Variants in CTNNA3 observed in about 807,000 individuals in gnomAD.
CTNNA3 encodes the protein catenin alpha 3.
Under a neutral mutation model 95.7 loss-of-function variants are expected in CTNNA3, and 76 were observed. The observed-to-expected ratio is 0.79, with a 90% CI of 0.66 to 0.96. The LOEUF is 0.96. Ranked by LOEUF, CTNNA3 falls within the 40% of genes least tolerant of loss-of-function variation. The pLI, the probability that CTNNA3 is intolerant of heterozygous loss-of-function variation, is 0.00. For missense variants in CTNNA3, 1,191 were observed against 1,089.8 expected (o/e 1.09, Z -1.31); for synonymous variants, 431 against 374.4 (o/e 1.15, Z -1.74).
chr10:67,120,889 T>C (rs901451379), intron 7 of CTNNA3, among the ~76,000 whole-genome samples: 35 of 152,070 alleles, frequency 2.3e-4, no homozygotes, highest in Non-Finnish European at 7.4e-5. Flanking sequence ...AGTTGCAATA[T>C]TGTACCATTA....
At chr10:67,001,551 A>C (rs1851694638) in intron 7 of CTNNA3, among the ~76,000 whole-genome samples, 1 of 152,012 alleles carries the variant, frequency 6.6e-6, no homozygotes, top group African/African-American at 2.4e-5. Context: ...AAACTTTCTA[A>C]TTATTTTAAA....
intron 16 of CTNNA3, among the ~76,000 whole-genome samples, chr10:65,984,998 A>G (rs980304610): frequency 2.6e-5 from 4 of 150,974 alleles, no homozygotes; most frequent in African/African-American, 9.7e-5. Flanking sequence ...AAAAAAAAGG[A>G]TTAATAAAAT....
intron 12 of CTNNA3, among the ~76,000 whole-genome samples, chr10:66,311,838 T>C (rs962169534): frequency 6.6e-6 from 1 of 152,198 alleles, no homozygotes; most frequent in African/African-American, 2.4e-5. Context: ...TTCAGGGTCC[T>C]GATTTTTAAC....
chr10:67,090,935 C>T (rs1163231959), intron 7 of CTNNA3, among the ~76,000 whole-genome samples: 1 of 152,024 alleles, frequency 6.6e-6, no homozygotes, highest in Non-Finnish European at 1.5e-5. Flanking sequence ...TATATTTTAT[C>T]AACTGCCTTA....
chr10:67,493,015 G>A (rs1838903381), intron 5 of CTNNA3, among the ~76,000 whole-genome samples: 1 of 152,162 alleles, frequency 6.6e-6, no homozygotes, highest in African/African-American at 2.4e-5. Flanking sequence ...CATGTTCATT[G>A]AATGAACAAA....
At chr10:67,123,359 T>G (rs997905223) in intron 7 of CTNNA3, among the ~76,000 whole-genome samples, 3 of 152,150 alleles carry the variant, frequency 2.0e-5, no homozygotes, top group African/African-American at 7.2e-5. Context: ...GCCAGTTAAT[T>G]CATGCCAACT....
At chr10:67,336,437 G>C (rs1474460998) in intron 5 of CTNNA3, among the ~76,000 whole-genome samples, 1 of 152,166 alleles carries the variant, frequency 6.6e-6, no homozygotes, top group African/African-American at 2.4e-5. Flanking sequence ...ATAAGATTTA[G>C]GGAAAGAAGT....
intron 9 of CTNNA3, among the ~76,000 whole-genome samples, chr10:66,720,531 G>A (rs996000616): frequency 1.2e-4 from 19 of 152,112 alleles, no homozygotes; most frequent in Non-Finnish European, 2.4e-4. Context: ...AAGGAAGGTA[G>A]GCAAAGGAGA....
At chr10:67,302,443 A>G (rs1048473078) in intron 5 of CTNNA3, among the ~76,000 whole-genome samples, 6 of 152,240 alleles carry the variant, frequency 3.9e-5, no homozygotes, top group African/African-American at 1.2e-4. Flanking sequence ...CACAAAAATG[A>G]TAAGTATGTG....
At chr10:67,082,864 T>C (rs1014899353) in intron 7 of CTNNA3, among the ~76,000 whole-genome samples, 1 of 152,164 alleles carries the variant, frequency 6.6e-6, no homozygotes, top group Non-Finnish European at 1.5e-5. Flanking sequence ...CACAATATTA[T>C]GAGTCAAGCA....
chr10:66,160,269 A>G (rs1478433785), intron 13 of CTNNA3, among the ~76,000 whole-genome samples: 1 of 151,918 alleles, frequency 6.6e-6, no homozygotes, highest in African/African-American at 2.4e-5. Context: ...GTGTGACTTT[A>G]GAATATCAGT....
Position 66,023,708 on chromosome 10 carries a change from C to G in CTNNA3, c.2160-34911G>C, listed in dbSNP as rs186707085. Among the ~76,000 whole-genome samples the G allele has an allele frequency of 1.3e-3, 192 of 152,284 alleles. 3 individuals are homozygous for G. Among genetic ancestry groups the G allele is most frequent in the Admixed American group, 0.012 (190 of 15,306 alleles). On this transcript the variant is annotated intron_variant, in intron 15 of 17. Coordinates refer to ENST00000433211, the MANE Select transcript of CTNNA3 (RefSeq NM_013266.4). ...TGTGAAATTGCTTCTTGAAGTCTTG[C>G]TGAGTCTCACTTCCTCACCCATAAA...
At chr10:66,502,087 G>T (rs1186317459) in intron 11 of CTNNA3, among the ~76,000 whole-genome samples, 5 of 151,924 alleles carry the variant, frequency 3.3e-5, no homozygotes, top group African/African-American at 1.2e-4. Context: ...AACAAAACTG[G>T]AATGAAAAAT....
intron 3 of CTNNA3, among the ~76,000 whole-genome samples, chr10:67,561,883 A>C (rs1358345406): frequency 6.6e-6 from 1 of 152,216 alleles, no homozygotes; most frequent in Non-Finnish European, 1.5e-5. Context: ...AAACTAGAAA[A>C]TCTCAAAGAA....
chr10:67,423,288 A>G (rs1454590131), intron 5 of CTNNA3, among the ~76,000 whole-genome samples: 3 of 152,168 alleles, frequency 2.0e-5, no homozygotes, highest in Non-Finnish European at 2.9e-5. Context: ...TCCTAGGAGT[A>G]GCACACAACC....
intron 5 of CTNNA3, among the ~76,000 whole-genome samples, chr10:67,300,598 A>C (rs981510532): frequency 1.3e-5 from 2 of 152,176 alleles, no homozygotes; most frequent in Admixed American, 6.5e-5. Context: ...TACCTTATTG[A>C]CTATAGGTCA....
intron 5 of CTNNA3, among the ~76,000 whole-genome samples, chr10:67,377,438 A>C (rs1357679799): frequency 6.6e-6 from 1 of 152,196 alleles, no homozygotes; most frequent in Non-Finnish European, 1.5e-5. Flanking sequence ...TCTATGAAGT[A>C]CTTTTCTATT....
chr10:66,055,402 T>C (rs1397601563), intron 15 of CTNNA3, among the ~76,000 whole-genome samples: 1 of 152,180 alleles, frequency 6.6e-6, no homozygotes, highest in Non-Finnish European at 1.5e-5. Flanking sequence ...CTTTCATCAA[T>C]GTTTTACAGT....
intron 7 of CTNNA3, among the ~76,000 whole-genome samples, chr10:66,830,636 G>C (rs1437337526): frequency 6.6e-6 from 1 of 151,488 alleles, no homozygotes; most frequent in African/African-American, 2.4e-5. Flanking sequence ...TTGAGACGGA[G>C]TCTAGCTCTG....
Sources: allele counts gnomAD v4.1 joint callset (sites outside exome capture counted in the v4.1 genomes callset), GRCh38; gene constraint gnomAD v4.1.1; transcripts MANE v1.5; gene names NCBI Gene and HGNC (gene_info 2026-07-23, HGNC 2026-07-21).